Variants in CDR2L observed in about 807,000 individuals in gnomAD.
CDR2L encodes cerebellar degeneration related protein 2 like, also known as cerebellar degeneration-related protein 2-like.
In CDR2L, 19 loss-of-function variants were observed where a neutral mutation model predicts 36.1. The ratio of observed to expected loss-of-function variants is 0.53; its 90% CI spans 0.37 to 0.77. The LOEUF (loss-of-function observed/expected upper bound fraction) is 0.77. Among genes scored for constraint, CDR2L ranks in the 30% least tolerant of loss-of-function variants. The pLI, the probability that CDR2L is intolerant of heterozygous loss-of-function variation, is 0.00. For synonymous variants in CDR2L, 285 were observed against 280.4 expected (o/e 1.02, Z -0.16); for missense variants, 575 against 627.2 (o/e 0.92, Z 0.89).
chr17:75,000,576 G>A (rs1598656709), intron 2 of CDR2L, among the ~76,000 whole-genome samples: 2 of 145,274 alleles, frequency 1.4e-5, no homozygotes, highest in Admixed American at 1.4e-4. Flanking sequence ...GAGATTACAG[G>A]TGTGAGCCAT....
At position 74,989,601 on chromosome 17, in the gene CDR2L, A is replaced by C. The variant is rs1203409815; in HGVS notation, c.79+1479A>C. Among the ~76,000 whole-genome samples the C allele has an allele frequency of 1.3e-5, 2 of 152,076 alleles. No homozygotes were observed. Among genetic ancestry groups the C allele is most frequent in the African/African-American group, 4.8e-5 (2 of 41,422 alleles). On this transcript the variant is annotated intron_variant, in intron 1 of 4. Transcript: ENST00000337231. The surrounding 1 kb of genome is among the most constrained non-coding windows in gnomAD (Gnocchi z 4.2). ...GTATACCCTGGCAGGTGAAGGAGGC[A>C]GGCTTGTAACTAAGTGTAGGTGGCA...
chr17:75,000,235 A>G (rs2039856772), intron 2 of CDR2L, among the ~76,000 whole-genome samples: 1 of 152,096 alleles, frequency 6.6e-6, no homozygotes, highest in South Asian at 2.1e-4. Context: ...TGATTGTGCC[A>G]CTGCACTCCA....
At chr17:74,995,623 A>G (rs2039820376) in intron 1 of CDR2L, among the ~76,000 whole-genome samples, 1 of 151,772 alleles carries the variant, frequency 6.6e-6, no homozygotes, top group Non-Finnish European at 1.5e-5. Flanking sequence ...TCCTGCCTCA[A>G]CTTCCCAAGT....
In CDR2L at chr17:75,002,997, CG is replaced by C. The variant is rs1037549123; in HGVS notation, c.507-181del. ...GAGGCGGTCCGTAGTGGTCAGCCTC[CG>C]GGGGCAGAGAGCAGGGGGAGAAGGG... On this transcript the variant is annotated intron_variant, in intron 4 of 4. Coordinates refer to ENST00000337231, the MANE Select transcript of CDR2L (RefSeq NM_014603.3). This position sits in a 1 kb window ranked among gnomAD's most constrained non-coding sequence, Gnocchi z 4.1. 1.7e-4 allele frequency among the ~76,000 whole-genome samples: 26 copies of C among 152,282 alleles called. No individual in the cohort carries two copies. Among genetic ancestry groups the C allele is most frequent in the African/African-American group, 6.0e-4 (25 of 41,564 alleles).
At position 75,003,310 on chromosome 17, in the gene CDR2L, C is replaced by T; in HGVS notation, c.634C>T (p.Arg212Cys). Residue 212 changes from arginine to cysteine, a missense_variant, in exon 5 of 5, where the codon CGC (arginine) becomes TGC (cysteine). Physicochemically the swap from Arg to Cys is radical, Grantham distance 180. Transcript: ENST00000337231. ...LRSQVSQERQ[R>C]KERAEREYTA... ...CTCCCAGGTGAGCCAGGAGCGGCAG[C>T]GCAAGGAGCGGGCGGAGCGCGAGTA... 1 of 1,555,422 alleles carries T rather than the reference C, an allele frequency of 6.4e-7. No homozygotes were observed.
chr17:75,003,054 GCAAA>G, intron 4 of CDR2L, 125 bp from the exon 5 acceptor site: 1 of 997,930 alleles, frequency 1.0e-6, no homozygotes, highest in South Asian at 1.7e-5. Flanking sequence ...ACGGAGAGGG[GCAAA>G]CAATTTCAGC....
chr17:74,996,245 A>G (rs1012234277), intron 1 of CDR2L, among the ~76,000 whole-genome samples: 2 of 152,058 alleles, frequency 1.3e-5, no homozygotes, highest in African/African-American at 4.8e-5. Context: ...GGAGTTTGAG[A>G]CCAGCCTGAC....
At position 74,987,971 on chromosome 17, in the gene CDR2L, C is replaced by A; in HGVS notation, c.-73C>A. 3 of 826,212 alleles carry A rather than the reference C, an allele frequency of 3.6e-6. No individual in the cohort carries two copies. The highest frequency in any genetic ancestry group is 4.9e-6 in the Non-Finnish European group (3 of 607,642). The allele number at this position is 826,212 out of a possible 1,614,324, so 51.2% of individuals were successfully genotyped here. ...ACGCTGGAGGCCCGGCCCGCCTCAGCCGCATTGTCCCGGGCCGCGCGCACC... is the reference window on the plus strand; with the variant it reads ...ACGCTGGAGGCCCGGCCCGCCTCAGACGCATTGTCCCGGGCCGCGCGCACC... On this transcript the variant is annotated 5_prime_UTR_variant, in exon 1 of 5. Coordinates refer to ENST00000337231, the MANE Select transcript of CDR2L (RefSeq NM_014603.3).
rs545663229 is a variant in CDR2L, at chr17:74,987,992, G to T, written c.-52G>T. The T allele has an allele frequency of 4.4e-4, 507 of 1,141,868 alleles. 9 individuals carry two copies. In the South Asian group the frequency reaches 9.1e-3, roughly 20 times the overall value. The allele number at this position is 1,141,868 out of a possible 1,614,324, so 70.7% of individuals were successfully genotyped here. On this transcript the variant is annotated 5_prime_UTR_variant, in exon 1 of 5. Transcript: ENST00000337231. ...TCAGCCGCATTGTCCCGGGCCGCGC[G>T]CACCGGCCCTGAGCTGCGCCGCCGC... is the stretch of plus-strand genomic sequence containing the variant.
chr17:74,997,507 CACTT>C (rs973517523), intron 1 of CDR2L, among the ~76,000 whole-genome samples: 5 of 152,164 alleles, frequency 3.3e-5, no homozygotes, highest in African/African-American at 4.8e-5. Flanking sequence ...TCTTATCACT[CACTT>C]AATCTTCCAA....
At chr17:74,998,985 C>A (rs1205331437) in intron 1 of CDR2L, among the ~76,000 whole-genome samples, 1 of 152,152 alleles carries the variant, frequency 6.6e-6, no homozygotes, top group Non-Finnish European at 1.5e-5. Context: ...TCTCACCATG[C>A]GCTGGTGTGG....
At position 75,002,823 on chromosome 17, in the gene CDR2L, G is replaced by A. The variant is rs1340859366; in HGVS notation, c.507-360G>A. On this transcript the variant is annotated intron_variant, in intron 4 of 4. Transcript: ENST00000337231. The surrounding 1 kb of genome is among the most constrained non-coding windows in gnomAD (Gnocchi z 4.1). ...GCGCAAGGGGGAAGGGAGGTTACCG[G>A]CACCTGGAAGGTATGGAGAAGGCTG... Among the ~76,000 whole-genome samples, 1 of 152,136 alleles carries A rather than the reference G, an allele frequency of 6.6e-6. No homozygotes were observed.
At position 75,003,930 on chromosome 17, in the gene CDR2L, G is replaced by A. The variant is rs764151831; in HGVS notation, c.1254G>A (p.Leu418=). ...QGEVKAGEKS[L]SQHVEAVDKR... ...AGGTCAAGGCAGGAGAGAAGAGCCT[G>A]AGCCAGCACGTGGAGGCCGTGGACA... The change falls in exon 5 of 5, where the codon CTG becomes CTA. Residue 418 remains leucine (L), a synonymous_variant. Transcript: ENST00000337231. The A allele has an allele frequency of 2.5e-6, 4 of 1,610,986 alleles. No homozygotes were observed. The African/African-American group carries it at 5.3e-5, about 22-fold the overall frequency.
chr17:74,992,420 C>A (rs1446444874), intron 1 of CDR2L, among the ~76,000 whole-genome samples: 1 of 151,962 alleles, frequency 6.6e-6, no homozygotes, highest in African/African-American at 2.4e-5. Context: ...TACCTTCCCT[C>A]AGCTTGGTCC....
rs2039888937 is a variant in CDR2L, at chr17:75,004,150, G to C, written c.*76G>C. The C allele has an allele frequency of 1.2e-5, 16 of 1,333,062 alleles. No individual in the cohort carries two copies. The South Asian group carries it at 1.9e-4, about 16-fold the overall frequency. 82.6% of individuals were successfully genotyped at this position (1,333,062 alleles called of 1,614,324 possible). ...AGGCCTGGGCGGTGCAGCTTCCAGA[G>C]AGCGAGCGCCCTTTAGCGGCCTGCC... On this transcript the variant is annotated 3_prime_UTR_variant, in exon 5 of 5. Transcript: ENST00000337231.
At chr17:74,996,612 T>G (rs1039672204) in intron 1 of CDR2L, among the ~76,000 whole-genome samples, 6 of 152,060 alleles carry the variant, frequency 3.9e-5, no homozygotes, top group Non-Finnish European at 8.8e-5. Flanking sequence ...TAACTCCTTC[T>G]CTCTACCCGC....
At chr17:75,001,284 A>G (rs568211995) in intron 2 of CDR2L, 57 bp from the exon 3 acceptor site, 44 of 1,528,434 alleles carry the variant, frequency 2.9e-5, no homozygotes, top group Middle Eastern at 3.5e-4. Flanking sequence ...GGGTCTAGGC[A>G]GAGACATTTG....
Position 75,003,417 on chromosome 17 carries a change from G to A in CDR2L, c.741G>A (p.Leu247=). 1 of 1,574,250 alleles carries A rather than the reference G, an allele frequency of 6.4e-7. No homozygotes were observed. The highest frequency in any genetic ancestry group is 8.6e-7 in the Non-Finnish European group (1 of 1,161,046). ...CCTGTCGCCTGCGTGTGCAGGAGCT[G>A]GAGGCCGAGCTGCTGGAGCTGCAGC... The part of the protein sequence containing the change: ...MEACRLRVQE[L]EAELLELQQM... Residue 247 remains leucine (L), a synonymous_variant, in exon 5 of 5, where the codon CTG becomes CTA. Transcript: ENST00000337231.
intron 1 of CDR2L, among the ~76,000 whole-genome samples, chr17:74,991,809 G>A (rs142592457): frequency 9.0e-4 from 137 of 152,280 alleles, no homozygotes; most frequent in African/African-American, 3.1e-3. Flanking sequence ...TGGACCAGGC[G>A]TGGCAGGCCC....
Sources: gnomAD v4.1 joint callset for allele counts (sites outside exome capture counted in the v4.1 genomes callset) on GRCh38, gnomAD v4.1.1 for gene constraint, Gnocchi (gnomAD v3.1) non-coding constraint, MANE v1.5 for transcripts, NCBI Gene and HGNC (gene_info 2026-07-23, HGNC 2026-07-21) for gene names.